PPHLN1: variants seen among roughly 807,000 people sequenced by gnomAD.
The protein encoded by PPHLN1 is periphilin-1.
PPHLN1 carries 29 observed loss-of-function variants against 51.3 expected under a neutral mutation model. The ratio of observed to expected loss-of-function variants is 0.57; its 90% CI spans 0.42 to 0.77. The LOEUF is 0.77. Ranked by LOEUF, PPHLN1 falls within the 30% of genes least tolerant of loss-of-function variation. PPHLN1 has a pLI of 0.00. For missense variants in PPHLN1, 436 were observed against 438.4 expected (o/e 0.99, Z 0.05); for synonymous variants, 147 against 147.8 (o/e 0.99, Z 0.04).
At chr12:42,442,810 G>A (rs2083073635), downstream of PPHLN1, 1 of 1,606,518 alleles carries the variant, frequency 6.2e-7, no homozygotes, top group Non-Finnish European at 8.5e-7. Context: ...TTCATCATGG[G>A]ACAACAGCTA....
downstream of PPHLN1, chr12:42,444,069 A>G (rs930249036): frequency 3.3e-5 from 5 of 152,160 alleles, no homozygotes; most frequent in African/African-American, 9.7e-5. Context: ...AGCAGCTCCA[A>G]TGGAGCCAGT....
chr12:42,347,369 G>GA (rs1424710456), intron 2 of PPHLN1, among the ~76,000 whole-genome samples: 1 of 152,164 alleles, frequency 6.6e-6, no homozygotes, highest in East Asian at 1.9e-4. Context: ...ATACAGAAAG[G>GA]AAAATTACAT....
intron 1 of PPHLN1, among the ~76,000 whole-genome samples, chr12:42,327,757 A>G (rs1011441393): frequency 4.6e-5 from 7 of 152,318 alleles, no homozygotes; most frequent in African/African-American, 1.4e-4. Context: ...AGTAGCTAAT[A>G]CAGTTCTTGG....
chr12:42,371,703 T>C (rs566900407), intron 4 of PPHLN1, among the ~76,000 whole-genome samples: 22 of 152,356 alleles, frequency 1.4e-4, no homozygotes, highest in African/African-American at 5.1e-4. Context: ...GACTGAAATA[T>C]TCTGTAAGCA....
At chr12:42,428,158 G>C (rs549834037) in intron 9 of PPHLN1, among the ~76,000 whole-genome samples, 34 of 152,316 alleles carry the variant, frequency 2.2e-4, no homozygotes, top group African/African-American at 7.9e-4. Context: ...TACACTGCAG[G>C]TGGGAATGTA....
intron 9 of PPHLN1, chr12:42,399,856 T>C (rs1410082733): frequency 6.6e-6 from 1 of 152,202 alleles, no homozygotes; most frequent in Non-Finnish European, 1.5e-5. Context: ...CAGTATCAGA[T>C]GCTTAGAGGA....
chr12:42,364,678 T>C (rs2075074718), intron 4 of PPHLN1, among the ~76,000 whole-genome samples: 1 of 152,046 alleles, frequency 6.6e-6, no homozygotes, highest in African/African-American at 2.4e-5. Flanking sequence ...CTAAGCACTT[T>C]GGGAGCCCGA....
At chr12:42,327,008 C>G (rs1025430933) in intron 1 of PPHLN1, among the ~76,000 whole-genome samples, 1 of 152,160 alleles carries the variant, frequency 6.6e-6, no homozygotes, top group African/African-American at 2.4e-5. Context: ...TTTTGAGAGG[C>G]CTGAATGCCT....
At chr12:42,387,625 C>T (rs1565904275) in intron 7 of PPHLN1, 90 bp downstream of exon 7, 5 of 1,444,462 alleles carry the variant, frequency 3.5e-6, no homozygotes, top group South Asian at 1.6e-5. Context: ...TACTGTTATG[C>T]CAAGGGAGCT....
At chr12:42,397,479 CT>C (rs1287489033) in intron 8 of PPHLN1, among the ~76,000 whole-genome samples, 3 of 151,854 alleles carry the variant, frequency 2.0e-5, no homozygotes, top group Non-Finnish European at 4.4e-5. Flanking sequence ...TTTTCACTTG[CT>C]TTTTGTTTCT....
intron 2 of PPHLN1, among the ~76,000 whole-genome samples, chr12:42,346,004 G>A (rs73120477): frequency 1.3e-5 from 2 of 152,142 alleles, no homozygotes; most frequent in South Asian, 2.1e-4. Context: ...AGGTACACAT[G>A]GATGCATATT....
At chr12:42,406,224 C>T (rs896978444) in intron 9 of PPHLN1, among the ~76,000 whole-genome samples, 7 of 151,876 alleles carry the variant, frequency 4.6e-5, no homozygotes, top group Admixed American at 2.0e-4. Context: ...GCTGGGACTA[C>T]AGGCACCCGC....
chr12:42,432,574 C>G (rs1196913269), intron 9 of PPHLN1, among the ~76,000 whole-genome samples: 5 of 152,158 alleles, frequency 3.3e-5, no homozygotes, highest in African/African-American at 7.2e-5. Context: ...TCTTAGAAAC[C>G]TGAATAAAAT....
chr12:42,378,455 T>C (rs2076491149), intron 5 of PPHLN1, among the ~76,000 whole-genome samples: 2 of 152,158 alleles, frequency 1.3e-5, no homozygotes, highest in Non-Finnish European at 2.9e-5. Context: ...CACGGGGTTC[T>C]GCACTTATCA....
chr12:42,342,528 A>G (rs1342137730), intron 2 of PPHLN1, among the ~76,000 whole-genome samples: 2 of 152,234 alleles, frequency 1.3e-5, no homozygotes, highest in Non-Finnish European at 2.9e-5. Flanking sequence ...CTGCAACATA[A>G]AATGTCGATT....
chr12:42,445,921 A>G (rs1000265291), downstream of PPHLN1: 30 of 1,452,304 alleles, frequency 2.1e-5, no homozygotes, highest in East Asian at 7.3e-4. Context: ...GCATGGTCCA[A>G]ATGTTTTGCT....
At chr12:42,350,547 ACTTC>A (rs1297962698) in intron 2 of PPHLN1, among the ~76,000 whole-genome samples, 2 of 152,078 alleles carry the variant, frequency 1.3e-5, no homozygotes, top group African/African-American at 4.8e-5. Context: ...GACGCTCCTC[ACTTC>A]CTAGACGGGG....
chr12:42,335,621 T>A (rs1018570686), intron 1 of PPHLN1, among the ~76,000 whole-genome samples: 1 of 151,876 alleles, frequency 6.6e-6, no homozygotes, highest in African/African-American at 2.4e-5. Context: ...CCTCCCATAA[T>A]TGATGGCAAC....
intron 2 of PPHLN1, among the ~76,000 whole-genome samples, chr12:42,346,323 T>A (rs1040799303): frequency 3.3e-5 from 5 of 151,724 alleles, no homozygotes; most frequent in African/African-American, 4.9e-5. Context: ...TATAAATGAT[T>A]ATCATGCAAT....
Sources: allele counts gnomAD v4.1 joint callset (sites outside exome capture counted in the v4.1 genomes callset), GRCh38; gene constraint gnomAD v4.1.1; transcripts MANE v1.5; gene names NCBI Gene and HGNC (gene_info 2026-07-23, HGNC 2026-07-21).